The following METAP2 variants were observed in gnomAD, a reference collection of about 807,000 sequenced individuals.
METAP2 encodes the protein methionyl aminopeptidase 2.
Under a neutral mutation model 59.4 loss-of-function variants are expected in METAP2, and 25 were observed. The ratio of observed to expected loss-of-function variants is 0.42; its 90% CI spans 0.31 to 0.59. METAP2 has a LOEUF of 0.59. Ranked by LOEUF, METAP2 falls within the 20% of genes least tolerant of loss-of-function variation. The pLI, the probability that METAP2 is intolerant of heterozygous loss-of-function variation, is 0.16. For synonymous variants in METAP2, 214 were observed against 194.1 expected (o/e 1.10, Z -0.85); for missense variants, 366 against 581.2 (o/e 0.63, Z 3.81).
At chr12:95,479,851 C>CG (rs1292228183) in intron 2 of METAP2, among the ~76,000 whole-genome samples, 1 of 152,166 alleles carries the variant, frequency 6.6e-6, no homozygotes, top group Non-Finnish European at 1.5e-5. Flanking sequence ...TCAAGTGATC[C>CG]GCCCGCCTCA....
chr12:95,503,077 G>A (rs1244349418), intron 7 of METAP2, among the ~76,000 whole-genome samples: 4 of 151,196 alleles, frequency 2.6e-5, no homozygotes, highest in East Asian at 1.9e-4. Flanking sequence ...AGTTTCTGTC[G>A]ATTTATTATT....
At chr12:95,509,986 G>C (rs912717182) in intron 8 of METAP2, among the ~76,000 whole-genome samples, 1 of 151,600 alleles carries the variant, frequency 6.6e-6, no homozygotes, top group Non-Finnish European at 1.5e-5. Flanking sequence ...CTACAGGTGT[G>C]TCACCACGCC....
chr12:95,501,811 C>A (rs1246513363), intron 7 of METAP2, among the ~76,000 whole-genome samples: 3 of 147,400 alleles, frequency 2.0e-5, no homozygotes, highest in Admixed American at 6.7e-5. Flanking sequence ...CTAGTTGTTA[C>A]AATTGGCCTT....
chr12:95,504,597 G>T (rs1292997594), intron 8 of METAP2, among the ~76,000 whole-genome samples: 5 of 152,206 alleles, frequency 3.3e-5, no homozygotes, highest in Admixed American at 3.3e-4. Flanking sequence ...CCCAGGCTTA[G>T]GCTTAAGCGA....
rs776415079 is a variant in METAP2 at position 95,495,075 on chromosome 12, G to A, written c.709G>A (p.Gly237Ser). 6.8e-6 allele frequency: 11 copies of A among 1,613,364 alleles called. No individual in the cohort carries two copies. Among genetic ancestry groups the A allele is most frequent in the African/African-American group, 6.7e-5 (5 of 74,880 alleles). ...NCAAHYTPNA[G>S]DTTVLQYDDI... The stretch of plus-strand genomic sequence containing the variant: ...TGCTGCCCATTATACTCCCAATGCC[G>A]GTGACACAACAGTATTACAGTATGA... Residue 237 changes from glycine to serine, a missense_variant, in exon 6 of 11, where the codon GGT becomes AGT. Physicochemically the swap from Gly to Ser is moderately conservative, Grantham distance 56 (BLOSUM62 0). This residue lies in a region of METAP2 where 106 missense variants were observed against 221.9 expected (regional missense o/e 0.48). Transcript: ENST00000323666.
chr12:95,481,409 A>ACAGAAAAAC (rs1371151850), intron 2 of METAP2, among the ~76,000 whole-genome samples: 1 of 152,200 alleles, frequency 6.6e-6, no homozygotes, highest in Non-Finnish European at 1.5e-5. Context: ...AGACCCTGTC[A>ACAGAAAAAC]CAGAAAAACC....
intron 10 of METAP2, 151 bp from the exon 11 acceptor site, chr12:95,513,501 T>C: frequency 1.2e-6 from 1 of 816,362 alleles, no homozygotes; most frequent in Non-Finnish European, 1.9e-6. Context: ...TGGGCTATTA[T>C]ACATTCTGGC....
At chr12:95,491,294 T>A (rs2076236144) in intron 4 of METAP2, among the ~76,000 whole-genome samples, 1 of 152,148 alleles carries the variant, frequency 6.6e-6, no homozygotes. Context: ...CTTTTATGGG[T>A]TATTTCATTG....
chr12:95,484,265 C>T (rs368603828), intron 3 of METAP2, among the ~76,000 whole-genome samples: 13 of 151,808 alleles, frequency 8.6e-5, no homozygotes, highest in East Asian at 3.9e-4. Context: ...TGCATTTAGG[C>T]GTCCATCATT....
intron 4 of METAP2, among the ~76,000 whole-genome samples, chr12:95,493,362 T>C (rs1403582811): frequency 1.3e-5 from 2 of 152,182 alleles, no homozygotes; most frequent in Non-Finnish European, 2.9e-5. Flanking sequence ...TGCACCTGTA[T>C]ACTCCCAGCT....
chr12:95,498,867 T>C (rs1476200504), intron 7 of METAP2, among the ~76,000 whole-genome samples: 2 of 151,932 alleles, frequency 1.3e-5, no homozygotes, highest in African/African-American at 4.8e-5. Context: ...TTAAACAAAT[T>C]AGCCAGGTGT....
intron 5 of METAP2, 93 bp downstream of exon 5, chr12:95,494,310 T>C (rs1184739629): frequency 2.5e-6 from 3 of 1,200,652 alleles, no homozygotes; most frequent in Admixed American, 2.5e-5. Context: ...ATTACCACTT[T>C]GCTAAATCTT....
intron 4 of METAP2, among the ~76,000 whole-genome samples, chr12:95,489,711 G>T (rs1235803033): frequency 6.6e-6 from 1 of 152,160 alleles, no homozygotes; most frequent in Non-Finnish European, 1.5e-5. Flanking sequence ...GGTGGCGCAT[G>T]CCTGTAATCC....
intron 4 of METAP2, among the ~76,000 whole-genome samples, chr12:95,486,714 C>G (rs965762558): frequency 6.6e-6 from 1 of 152,134 alleles, no homozygotes; most frequent in Non-Finnish European, 1.5e-5. Flanking sequence ...TCAGGCTGGT[C>G]TTGAACTCCC....
At position 95,485,973 on chromosome 12, in the gene METAP2, A is replaced by G. The variant is rs746817286; in HGVS notation, c.420A>G (p.Thr140=). The change falls in exon 4 of 11, where the codon ACA becomes ACG. Residue 140 remains threonine (T), a synonymous_variant. Coordinates refer to ENST00000323666, the MANE Select transcript of METAP2 (RefSeq NM_006838.4). ...PKGQECEYPP[T]QDGRTAAWRT... is the part of the protein sequence containing the mutation. Reference sequence around the variant, plus strand: ...GACAAGAATGCGAATACCCACCCACACAAGATGGGTAAGGATCATCAAATC... The same window carrying G: ...GACAAGAATGCGAATACCCACCCACGCAAGATGGGTAAGGATCATCAAATC... 15 of 1,564,090 alleles carry G rather than the reference A, an allele frequency of 9.6e-6. No individual in the cohort carries two copies. Among genetic ancestry groups the G allele is most frequent in the African/African-American group, 1.4e-5 (1 of 73,140 alleles).
At chr12:95,511,538 C>T (rs1029374833) in intron 8 of METAP2, among the ~76,000 whole-genome samples, 1 of 151,820 alleles carries the variant, frequency 6.6e-6, no homozygotes, top group African/African-American at 2.4e-5. Context: ...ATTACAGGCC[C>T]CCACCACCAC....
intron 3 of METAP2, 177 bp downstream of exon 3, chr12:95,483,457 C>G: frequency 1.7e-5 from 3 of 176,390 alleles, no homozygotes; most frequent in Non-Finnish European, 3.0e-5. Context: ...GCCTGGGCAA[C>G]AGAGTGAGAC....
At chr12:95,475,187 C>T (rs1055705854) in intron 1 of METAP2, among the ~76,000 whole-genome samples, 2 of 152,124 alleles carry the variant, frequency 1.3e-5, no homozygotes, top group African/African-American at 2.4e-5. Flanking sequence ...TTACTTGTTT[C>T]TAATTAAAAT....
chr12:95,479,565 G>A (rs1040642081), intron 2 of METAP2, among the ~76,000 whole-genome samples: 2 of 152,026 alleles, frequency 1.3e-5, no homozygotes, highest in African/African-American at 4.8e-5. Flanking sequence ...AATACATTTT[G>A]AGTCAGGCTC....
Sources: allele counts gnomAD v4.1 joint callset (sites outside exome capture counted in the v4.1 genomes callset), GRCh38; gene constraint gnomAD v4.1.1; regional missense constraint gnomAD v4.1.1; transcripts MANE v1.5; gene names NCBI Gene and HGNC (gene_info 2026-07-23, HGNC 2026-07-21).